The following ACTL6B variants were observed in gnomAD, a reference collection of about 807,000 sequenced individuals.
The protein encoded by ACTL6B is actin-like protein 6B.
A neutral mutation model predicts 63.3 loss-of-function variants in ACTL6B; 48 were observed. The ratio of observed to expected loss-of-function variants is 0.76; its 90% CI spans 0.60 to 0.96. The LOEUF (loss-of-function observed/expected upper bound fraction) is 0.96. Among genes scored for constraint, ACTL6B ranks in the 50% least tolerant of loss-of-function variants. The pLI, the probability that ACTL6B is intolerant of heterozygous loss-of-function variation, is 0.00. For synonymous variants in ACTL6B, 230 were observed against 223.8 expected (o/e 1.03, Z -0.25); for missense variants, 350 against 572.2 (o/e 0.61, Z 3.96).
In ACTL6B at chr7:100,655,887, G is replaced by A. The variant is rs746816420; in HGVS notation, c.26-8C>T. 3 of 1,563,382 alleles carry A rather than the reference G, an allele frequency of 1.9e-6. No homozygotes were observed. In the South Asian group the frequency reaches 3.5e-5, roughly 18 times the overall value. ...CCAGCGCCCCCACCTCATCTGTGCG[G>A]GGAGACAGGCCTGTAAGGGGACCTC... On this transcript the variant is annotated splice_region_variant and splice_polypyrimidine_tract_variant and intron_variant, in intron 1 of 13. Transcript: ENST00000160382. This position sits in a 1 kb window ranked among gnomAD's most constrained non-coding sequence, Gnocchi z 4.4.
chr7:100,655,646 C>A lies in ACTL6B; in HGVS notation c.103-60G>T. Reference sequence around the variant, plus strand: ...AGAGAGGTCACCCTCTTGCCCCTGTCCAGCCCCACAGCAGGGTCCTCAGAC... The same window carrying A: ...AGAGAGGTCACCCTCTTGCCCCTGTACAGCCCCACAGCAGGGTCCTCAGAC... On this transcript the variant is annotated intron_variant, in intron 2 of 13. Coordinates refer to ENST00000160382, the MANE Select transcript of ACTL6B (RefSeq NM_016188.5). The surrounding 1 kb of genome is among the most constrained non-coding windows in gnomAD (Gnocchi z 4.4). 6.4e-7 allele frequency: 1 copy of A among 1,567,074 alleles called. No homozygotes were observed. The highest frequency in any genetic ancestry group is 1.8e-5 in the Admixed American group (1 of 54,926).
At chr7:100,649,817 G>T in intron 5 of ACTL6B, 1 of 505,870 alleles carries the variant, frequency 2.0e-6, no homozygotes, top group East Asian at 3.5e-5. Context: ...TGCTCAGCCT[G>T]ATCCGGGGAA....
rs1373783639 is a variant in ACTL6B at position 100,643,260 on chromosome 7, G to C, written c.1267C>G (p.Arg423Gly). The part of the protein sequence containing the change: ...YEEGGKQCVE[R>G]KCP ...GAGGAGTGCCATCAGGGGCACTTTC[G>C]CTCCACGCACTGCTTCCCGCCCTCC... Residue 423 changes from arginine to glycine, a missense_variant, in exon 14 of 14, where the codon CGA becomes GGA. By Grantham distance (125) the Arg-to-Gly change is moderately radical. This residue lies in a region of ACTL6B where 76 missense variants were observed against 126.1 expected (regional missense o/e 0.60). Transcript: ENST00000160382. 3 of 1,613,938 alleles carry C rather than the reference G, an allele frequency of 1.9e-6. No homozygotes were observed. Among genetic ancestry groups the C allele is most frequent in the Non-Finnish European group, 2.5e-6 (3 of 1,179,994 alleles).
chr7:100,643,370 G>T, intron 13 of ACTL6B, 44 bp from the exon 14 acceptor site: 1 of 1,604,502 alleles, frequency 6.2e-7, no homozygotes. Flanking sequence ...GCCTTGGAGG[G>T]AGGTGTGGAC....
At position 100,646,884 on chromosome 7, in the gene ACTL6B, C is replaced by T; in HGVS notation, c.937-53G>A. ...GGCTCTCTCCCCCTTCCCCCCAGACCCCTGCAATCCTTCCCAGCCTCCCCC... is the reference window on the plus strand; with the variant it reads ...GGCTCTCTCCCCCTTCCCCCCAGACTCCTGCAATCCTTCCCAGCCTCCCCC... On this transcript the variant is annotated intron_variant, in intron 10 of 13. Coordinates refer to ENST00000160382, the MANE Select transcript of ACTL6B (RefSeq NM_016188.5). This position sits in a 1 kb window ranked among gnomAD's most constrained non-coding sequence, Gnocchi z 6.1. 1 of 1,601,512 alleles carries T rather than the reference C, an allele frequency of 6.2e-7. No individual in the cohort carries two copies. The highest frequency in any genetic ancestry group is 8.5e-7 in the Non-Finnish European group (1 of 1,172,654).
At position 100,655,941 on chromosome 7, in the gene ACTL6B, CGAGA is replaced by C. The variant is rs1287639356; in HGVS notation, c.26-66_26-63del. 4.0e-6 allele frequency: 6 copies of C among 1,497,754 alleles called. No homozygotes were observed. In the Admixed American group the frequency reaches 1.3e-4, roughly 32 times the overall value. 92.8% of individuals were successfully genotyped at this position (1,497,754 alleles called of 1,614,324 possible). A position where few individuals can be genotyped will look rare whatever the true frequency, so the allele number is the denominator to read the frequency against. On this transcript the variant is annotated intron_variant, in intron 1 of 13. Transcript: ENST00000160382. This position sits in a 1 kb window ranked among gnomAD's most constrained non-coding sequence, Gnocchi z 4.4. ...CGAACTCTCTCCCGCTAGGTAGCTC[CGAGA>C]GAAAGTCAGGGCAGAGCCACAGTCT...
intron 5 of ACTL6B, among the ~76,000 whole-genome samples, chr7:100,649,721 T>C (rs1803897350): frequency 6.6e-6 from 1 of 152,174 alleles, no homozygotes; most frequent in African/African-American, 2.4e-5. Flanking sequence ...AAGGAGTTCT[T>C]GGGAAGGGAC....
chr7:100,644,223 GGT>G (rs1491514597), intron 13 of ACTL6B, among the ~76,000 whole-genome samples: 1 of 151,956 alleles, frequency 6.6e-6, no homozygotes, highest in Non-Finnish European at 1.5e-5. Context: ...TTGTAGAGAT[GGT>G]GTCTCACTAT....
At chr7:100,643,349 G>A (rs1357147782) in intron 13 of ACTL6B, 23 bp from the exon 14 acceptor site, 15 of 1,612,412 alleles carry the variant, frequency 9.3e-6, no homozygotes, top group Admixed American at 1.7e-5. Flanking sequence ...GGTAATATCA[G>A]GGTCAGGGTG....
chr7:100,644,945 A>G (rs1453341439), intron 13 of ACTL6B, among the ~76,000 whole-genome samples: 3 of 152,046 alleles, frequency 2.0e-5, no homozygotes, highest in African/African-American at 7.2e-5. Flanking sequence ...AATCCCAGCT[A>G]CTCGGGAGGC....
At chr7:100,654,915 A>T in intron 4 of ACTL6B, 104 bp downstream of exon 4, 1 of 933,104 alleles carries the variant, frequency 1.1e-6, no homozygotes, top group Non-Finnish European at 1.7e-6. Flanking sequence ...AGGGAAGGGA[A>T]GTGGCTCAGA....
rs1045939792 is a variant in ACTL6B at position 100,650,202 on chromosome 7, G to A, written c.370-67C>T. 2.4e-5 allele frequency: 33 copies of A among 1,355,726 alleles called. No homozygotes were observed. The East Asian group carries it at 6.1e-4, about 25-fold the overall frequency. The allele number at this position is 1,355,726 out of a possible 1,614,324, so 84.0% of individuals were successfully genotyped here. A position where few individuals can be genotyped will look rare whatever the true frequency, so the allele number is the denominator to read the frequency against. On this transcript the variant is annotated intron_variant, in intron 4 of 13. Coordinates refer to ENST00000160382, the MANE Select transcript of ACTL6B (RefSeq NM_016188.5). ...GGCACAGACCCACATCCACGCACAC[G>A]CAACCCACTCACTCACACATACACT...
intron 5 of ACTL6B, among the ~76,000 whole-genome samples, chr7:100,649,535 T>C (rs2131335423): frequency 6.6e-6 from 1 of 152,300 alleles, no homozygotes; most frequent in African/African-American, 2.4e-5. Context: ...TGACCTCAAG[T>C]GATCTGCCCG....
chr7:100,655,853 T>C lies in ACTL6B; in HGVS notation c.52A>G (p.Ile18Val). 6.3e-7 allele frequency: 1 copy of C among 1,574,978 alleles called. No homozygotes were observed. Among genetic ancestry groups the C allele is most frequent in the Non-Finnish European group, 8.6e-7 (1 of 1,159,790 alleles). ...GDEVGALVFD[I>V]GSFSVRAGYA... is the part of the protein sequence containing the mutation. The stretch of plus-strand genomic sequence containing the variant: ...CCAGCGCGGACTGAGAAGGAGCCAA[T>C]GTCAAAGACCAGCGCCCCCACCTCA... Residue 18 changes from isoleucine (I) to valine (V), a missense_variant, in exon 2 of 14, where the codon ATT becomes GTT. Around this residue, in one of 3 missense-constraint regions of ACTL6B, gnomAD observed 250 missense variants for 364.7 expected, o/e 0.69. Transcript: ENST00000160382. The surrounding 1 kb of genome is among the most constrained non-coding windows in gnomAD (Gnocchi z 4.4).
In ACTL6B at chr7:100,647,369, C is replaced by T. The variant is rs1265526240; in HGVS notation, c.759+75G>A. 5 of 1,598,628 alleles carry T rather than the reference C, an allele frequency of 3.1e-6. No homozygotes were observed. The highest frequency in any genetic ancestry group is 2.7e-5 in the African/African-American group (2 of 74,674). On this transcript the variant is annotated intron_variant, in intron 8 of 13. Transcript: ENST00000160382. This position sits in a 1 kb window ranked among gnomAD's most constrained non-coding sequence, Gnocchi z 4.4. ...CGCTCCCCCTCCCTGCTCCCCCTCC[C>T]ATGCGGGGCCTCTGTCCCGCCCCCG...
In ACTL6B at chr7:100,655,348, G is replaced by C. The variant is rs1584471686; in HGVS notation, c.268+73C>G. 2.1e-5 allele frequency: 32 copies of C among 1,514,012 alleles called. No homozygotes were observed. Among genetic ancestry groups the C allele is most frequent in the Non-Finnish European group, 2.9e-5 (32 of 1,115,354 alleles). 93.8% of individuals were successfully genotyped at this position (1,514,012 alleles called of 1,614,324 possible). ...TGCAAGGAAGACTCCGCGGGGAGTG[G>C]GGGCTGCTATGACCCAGATTGTGGG... On this transcript the variant is annotated intron_variant, in intron 3 of 13. Transcript: ENST00000160382. The surrounding 1 kb of genome is among the most constrained non-coding windows in gnomAD (Gnocchi z 4.4).
At chr7:100,650,991 A>C (rs938923315) in intron 4 of ACTL6B, among the ~76,000 whole-genome samples, 1 of 152,198 alleles carries the variant, frequency 6.6e-6, no homozygotes. Flanking sequence ...AGAGCCATGA[A>C]TGAAAATACA....
Position 100,648,943 on chromosome 7 carries a change from T to G in ACTL6B, c.468-120A>C. The G allele has an allele frequency of 3.3e-6, 3 of 914,750 alleles. No homozygotes were observed. The highest frequency in any genetic ancestry group is 4.8e-6 in the Non-Finnish European group (3 of 629,962). 56.7% of individuals were successfully genotyped at this position (914,750 alleles called of 1,614,324 possible). A position where few individuals can be genotyped will look rare whatever the true frequency, so the allele number is the denominator to read the frequency against. On this transcript the variant is annotated intron_variant, in intron 5 of 13. Coordinates refer to ENST00000160382, the MANE Select transcript of ACTL6B (RefSeq NM_016188.5). This position sits in a 1 kb window ranked among gnomAD's most constrained non-coding sequence, Gnocchi z 4.4. ...AGCCCATCCCCAGTCTGCAAATCTC[T>G]CCCCCTGGTGATGACTCATCTCCTG...
Position 100,648,240 on chromosome 7 carries a change from G to A in ACTL6B, c.669+316C>T, listed in dbSNP as rs1293510071. Reference sequence around the variant, plus strand: ...CCCGAAGTGCTGGGATTACAGGTGTGAGCCACCATGCCTGACCGGTCCTGC... The same window carrying A: ...CCCGAAGTGCTGGGATTACAGGTGTAAGCCACCATGCCTGACCGGTCCTGC... On this transcript the variant is annotated intron_variant, in intron 7 of 13. Coordinates refer to ENST00000160382, the MANE Select transcript of ACTL6B (RefSeq NM_016188.5). This position sits in a 1 kb window ranked among gnomAD's most constrained non-coding sequence, Gnocchi z 4.4. The A allele has an allele frequency of 4.8e-6, 1 of 207,148 alleles. No individual in the cohort carries two copies. Among genetic ancestry groups the A allele is most frequent in the South Asian group, 1.2e-4 (1 of 8,614 alleles). The allele number at this position is 207,148 out of a possible 1,614,324, so 12.8% of individuals were successfully genotyped here. A position where few individuals can be genotyped will look rare whatever the true frequency, so the allele number is the denominator to read the frequency against.
Sources: allele counts gnomAD v4.1 joint callset (sites outside exome capture counted in the v4.1 genomes callset), GRCh38; gene constraint gnomAD v4.1.1; regional missense constraint gnomAD v4.1.1; non-coding constraint Gnocchi (gnomAD v3.1); transcripts MANE v1.5; gene names NCBI Gene and HGNC (gene_info 2026-07-23, HGNC 2026-07-21).